Variants in ADAM28 observed in about 807,000 individuals in gnomAD.
The protein encoded by ADAM28 is disintegrin and metalloproteinase domain-containing protein 28.
A neutral mutation model predicts 101.2 loss-of-function variants in ADAM28; 105 were observed. That is an observed-to-expected ratio of 1.04 (90% CI 0.89 to 1.22). The LOEUF (loss-of-function observed/expected upper bound fraction) is 1.22, where lower values mean the gene tolerates loss of function less well. Among genes scored for constraint, ADAM28 ranks in the 50% most tolerant of loss-of-function variants. The pLI is 0.00. For synonymous variants in ADAM28, 322 were observed against 310.6 expected, an observed-to-expected ratio of 1.04 and a Z score of -0.39; for missense variants, 1,028 against 945.4, an observed-to-expected ratio of 1.09 and a Z score of -1.15.
intron 18 of ADAM28, among the ~76,000 whole-genome samples, chr8:24,349,405 A>T (rs1309888110): frequency 2.0e-5 from 3 of 152,208 alleles, no homozygotes; most frequent in Non-Finnish European, 2.9e-5. Context: ...CATCAGTGGA[A>T]CACTCGATTA....
At position 24,313,508 on chromosome 8, in the gene ADAM28, C is replaced by A. The variant is rs752308532; in HGVS notation, c.504C>A (p.Thr168=). 1.5e-5 allele frequency: 25 copies of A among 1,613,906 alleles called. No individual in the cohort carries two copies. The Admixed American group carries it at 4.2e-4, about 27-fold the overall frequency. ...CTGATGAAAAGAATTATGACAGCAC[C>A]TGTGGGATGGATGGTGTGTTGTGGG... is the stretch of plus-strand genomic sequence containing the variant. ...YNPDEKNYDS[T]CGMDGVLWAH... Residue 168 remains threonine (T), a synonymous_variant, in exon 6 of 23, where the codon ACC becomes ACA. Coordinates refer to ENST00000265769, the MANE Select transcript of ADAM28 (RefSeq NM_014265.6).
rs767012441 is a variant in ADAM28 at position 24,349,846 on chromosome 8, C to G, written c.1991-18C>G. ...TGTGTTTCTGCAGTCCTCAGCGGGC[C>G]CCTGTTCTCTGCTGCAGACTTCTCC... On this transcript the variant is annotated intron_variant, in intron 18 of 22. Transcript: ENST00000265769. The G allele has an allele frequency of 6.2e-7, 1 of 1,608,398 alleles. No homozygotes were observed. Among genetic ancestry groups the G allele is most frequent in the Non-Finnish European group, 8.5e-7 (1 of 1,175,318 alleles).
chr8:24,317,389 G>T (rs1024121146), intron 6 of ADAM28, among the ~76,000 whole-genome samples: 1 of 151,902 alleles, frequency 6.6e-6, no homozygotes, highest in Non-Finnish European at 1.5e-5. Flanking sequence ...AAACATATAC[G>T]TTCAATTAAT....
At chr8:24,330,200 C>T (rs894343367) in intron 11 of ADAM28, 85 bp downstream of exon 11, 158 of 1,457,398 alleles carry the variant, frequency 1.1e-4, no homozygotes, top group Non-Finnish European at 1.4e-4. Context: ...TCATCTTCAA[C>T]AACGTGTTCG....
chr8:24,296,884 C>T lies in ADAM28; in HGVS notation c.46+2689C>T, dbSNP rs186611883. Among the ~76,000 whole-genome samples the T allele has an allele frequency of 4.4e-3, 663 of 152,296 alleles. 4 individuals carry two copies. Among genetic ancestry groups the T allele is most frequent in the South Asian group, 0.024 (114 of 4,824 alleles). On this transcript the variant is annotated intron_variant, in intron 1 of 22. Coordinates refer to ENST00000265769, the MANE Select transcript of ADAM28 (RefSeq NM_014265.6). Reference sequence around the variant, plus strand: ...ACGTGATGTTATTCAGTGGGGAAGACGCTGCACCATTTCCATTAAACTTAA... The same window carrying T: ...ACGTGATGTTATTCAGTGGGGAAGATGCTGCACCATTTCCATTAAACTTAA...
At chr8:24,334,621 A>T (rs976900643) in intron 13 of ADAM28, among the ~76,000 whole-genome samples, 4 of 152,234 alleles carry the variant, frequency 2.6e-5, no homozygotes, top group African/African-American at 9.6e-5. Context: ...GAATTCTCTG[A>T]CTGGAGCTTT....
chr8:24,310,988 G>C (rs1407563843), intron 4 of ADAM28, among the ~76,000 whole-genome samples: 3 of 152,170 alleles, frequency 2.0e-5, no homozygotes, highest in Admixed American at 2.0e-4. Flanking sequence ...TTGGAAAAAA[G>C]CTTGTAGATC....
intron 1 of ADAM28, among the ~76,000 whole-genome samples, chr8:24,295,308 A>T (rs911808477): frequency 1.3e-5 from 2 of 152,026 alleles, no homozygotes; most frequent in Admixed American, 6.6e-5. Context: ...TTCATCTCTA[A>T]TGCCTTTTGC....
chr8:24,330,238 G>A, intron 11 of ADAM28, 123 bp downstream of exon 11: 1 of 1,195,472 alleles, frequency 8.4e-7, no homozygotes, highest in Non-Finnish European at 1.2e-6. Flanking sequence ...ATGTGCATTT[G>A]TGCCAAGCCA....
At chr8:24,343,847 T>C (rs1047946100) in intron 18 of ADAM28, among the ~76,000 whole-genome samples, 6 of 152,206 alleles carry the variant, frequency 3.9e-5, no homozygotes, top group African/African-American at 1.4e-4. Flanking sequence ...ATTTTCTTAC[T>C]TTAGGACTCT....
intron 15 of ADAM28, 159 bp from the exon 16 acceptor site, chr8:24,341,439 A>G: frequency 1.4e-6 from 1 of 708,744 alleles, no homozygotes. Flanking sequence ...GCTAACGTTC[A>G]GGCATCCTAT....
At chr8:24,300,408 T>C (rs974441376) in intron 2 of ADAM28, among the ~76,000 whole-genome samples, 6 of 151,914 alleles carry the variant, frequency 3.9e-5, no homozygotes, top group African/African-American at 1.5e-4. Flanking sequence ...AAGAGTAAAT[T>C]TGTTTTTTGT....
chr8:24,322,779 T>C (rs1049080353), intron 8 of ADAM28: 4 of 152,058 alleles, frequency 2.6e-5, no homozygotes, highest in African/African-American at 7.2e-5. Flanking sequence ...ATGCTTTTCC[T>C]GTTTTCCAAA....
At chr8:24,325,889 A>AAAAAAAAAAAAAAAAAAAAAAAAAAC (rs1563297002) in intron 9 of ADAM28, among the ~76,000 whole-genome samples, 8 of 141,922 alleles carry the variant, frequency 5.6e-5, no homozygotes, top group African/African-American at 2.2e-4. Context: ...AAAAAAAAAA[A>AAAAAAAAAAAAAAAAAAAAAAAAAAC]AAAAAAAAAA....
intron 1 of ADAM28, among the ~76,000 whole-genome samples, chr8:24,296,537 A>G (rs1010725524): frequency 4.6e-5 from 7 of 152,194 alleles, no homozygotes; most frequent in African/African-American, 9.7e-5. Flanking sequence ...TCATGTTCCC[A>G]TTTCCAAAAT....
rs117836306 is a variant in ADAM28 at position 24,319,751 on chromosome 8, C to A, written c.577-485C>A. ...ACATGGGAAGGAGATTCAACTCTGC[C>A]TGAAGAGAACAAAGTAGACTAGAAA... On this transcript the variant is annotated intron_variant, in intron 6 of 22. Coordinates refer to ENST00000265769, the MANE Select transcript of ADAM28 (RefSeq NM_014265.6). Among the ~76,000 whole-genome samples, 64 of 151,642 alleles carry A rather than the reference C, an allele frequency of 4.2e-4. No homozygotes were observed. The East Asian group carries it at 0.012, about 29-fold the overall frequency.
intron 9 of ADAM28, among the ~76,000 whole-genome samples, chr8:24,325,879 A>AAAAAAAAAAAAAAAAAAAAAAAC (rs1812499952): frequency 1.7e-5 from 2 of 121,124 alleles, no homozygotes; most frequent in Admixed American, 8.1e-5. Context: ...AGCAAAAAAA[A>AAAAAAAAAAAAAAAAAAAAAAAC]AAAAAAAAAA....
chr8:24,309,298 T>G (rs948945589), intron 2 of ADAM28, among the ~76,000 whole-genome samples: 1 of 152,188 alleles, frequency 6.6e-6, no homozygotes, highest in Non-Finnish European at 1.5e-5. Flanking sequence ...TCTCATAGTT[T>G]ATGTTCCAGT....
chr8:24,295,053 C>G (rs1317992656), intron 1 of ADAM28, among the ~76,000 whole-genome samples: 1 of 152,158 alleles, frequency 6.6e-6, no homozygotes, highest in Non-Finnish European at 1.5e-5. Flanking sequence ...AGATTATCAA[C>G]TAGAGGTATG....
Sources: allele counts gnomAD v4.1 joint callset (sites outside exome capture counted in the v4.1 genomes callset), GRCh38; gene constraint gnomAD v4.1.1; transcripts MANE v1.5; gene names NCBI Gene and HGNC (gene_info 2026-07-23, HGNC 2026-07-21).